Variants in NME8 observed in about 807,000 individuals in gnomAD.
NME8 encodes NME/NM23 family member 8.
A neutral mutation model predicts 82.3 loss-of-function variants in NME8; 72 were observed. The observed-to-expected ratio is 0.87, with a 90% CI of 0.72 to 1.06. NME8 has a LOEUF of 1.06. NME8 is among the 50% of genes least tolerant of loss of function. NME8 has a pLI of 0.00. For missense variants in NME8, 712 were observed against 685.4 expected, an observed-to-expected ratio of 1.04 and a Z score of -0.43; for synonymous variants, 267 against 228.5, an observed-to-expected ratio of 1.17 and a Z score of -1.52.
chr7:37,866,443 G>A (rs746442842), intron 10 of NME8, among the ~76,000 whole-genome samples: 13 of 152,094 alleles, frequency 8.5e-5, no homozygotes, highest in East Asian at 5.8e-4. Context: ...AACTGTATTC[G>A]CATTAACTGT....
intron 17 of NME8, among the ~76,000 whole-genome samples, chr7:37,899,665 A>G (rs550204729): frequency 6.6e-6 from 1 of 152,276 alleles, no homozygotes; most frequent in Admixed American, 6.5e-5. Context: ...TCCTGTACAC[A>G]TACTCCTGAA....
intron 12 of NME8, among the ~76,000 whole-genome samples, chr7:37,882,080 C>A (rs1784954996): frequency 6.6e-6 from 1 of 152,044 alleles, no homozygotes; most frequent in African/African-American, 2.4e-5. Flanking sequence ...TTTATTTTTG[C>A]TCAATTGTTT....
At chr7:37,857,102 G>A (rs574943709) in intron 5 of NME8, among the ~76,000 whole-genome samples, 172 bp from the exon 6 acceptor site, 4 of 152,292 alleles carry the variant, frequency 2.6e-5, no homozygotes, top group South Asian at 4.1e-4. Context: ...GCCAAATGAC[G>A]TAGGGCTTGA....
At chr7:37,868,214 A>T (rs1784719727) in intron 11 of NME8, among the ~76,000 whole-genome samples, 1 of 152,180 alleles carries the variant, frequency 6.6e-6, no homozygotes, top group African/African-American at 2.4e-5. Context: ...CCTCAGTGAG[A>T]GAGGACTGAG....
chr7:37,850,100 C>T (rs888972953), intron 2 of NME8, among the ~76,000 whole-genome samples, 160 bp from the exon 3 acceptor site: 1 of 152,028 alleles, frequency 6.6e-6, no homozygotes, highest in Non-Finnish European at 1.5e-5. Context: ...TTTAAATACA[C>T]AAATATTTAA....
chr7:37,855,801 G>T (rs1784503716), intron 5 of NME8, among the ~76,000 whole-genome samples: 1 of 151,908 alleles, frequency 6.6e-6, no homozygotes. Context: ...GAGTCTATAG[G>T]CATGCCTTTC....
intron 14 of NME8, among the ~76,000 whole-genome samples, chr7:37,887,628 C>A (rs998306496): frequency 1.3e-5 from 2 of 152,148 alleles, no homozygotes; most frequent in Admixed American, 1.3e-4. Flanking sequence ...ACCCTCTGAG[C>A]TTTTTCACTG....
chr7:37,884,445 C>T lies in NME8; in HGVS notation c.1137C>T (p.Thr379=), dbSNP rs374024098. 1 of 1,609,578 alleles carries T rather than the reference C, an allele frequency of 6.2e-7. No individual in the cohort carries two copies. The highest frequency in any genetic ancestry group is 1.1e-5 in the South Asian group (1 of 90,888). The stretch of plus-strand genomic sequence containing the variant: ...TTAATAAACTTATAGAAAACATGAC[C>T]AGGTAGAATCCAGGTTGAGAAAATT... ...DYFNKLIENM[T]SGPSLALVLL... Residue 379 remains threonine, a splice_region_variant and synonymous_variant, in exon 13 of 18, where the codon ACC becomes ACT. Coordinates refer to ENST00000199447, the MANE Select transcript of NME8 (RefSeq NM_016616.5).
chr7:37,895,766 G>A (rs1349798706), intron 16 of NME8, among the ~76,000 whole-genome samples: 3 of 152,102 alleles, frequency 2.0e-5, no homozygotes, highest in African/African-American at 4.8e-5. Context: ...GTAATGCAAT[G>A]CATTACCATT....
At chr7:37,855,172 A>G (rs1484489781) in intron 5 of NME8, among the ~76,000 whole-genome samples, 1 of 152,054 alleles carries the variant, frequency 6.6e-6, no homozygotes, top group African/African-American at 2.4e-5. Context: ...ACCTCATGGG[A>G]TTCTCAGTGA....
chr7:37,890,802 A>G (rs74721191), intron 15 of NME8, among the ~76,000 whole-genome samples: 3,650 of 152,106 alleles, frequency 0.024, 206 homozygotes, highest in Admixed American at 0.12. Context: ...TATGCATCAC[A>G]CTTTCATTAT....
chr7:37,871,411 T>C (rs765466350), intron 11 of NME8, among the ~76,000 whole-genome samples: 7 of 152,202 alleles, frequency 4.6e-5, no homozygotes, highest in Non-Finnish European at 8.8e-5. Context: ...AATCAGCCTG[T>C]TTTAAGAAAT....
At chr7:37,883,209 T>C (rs1331675439) in intron 12 of NME8, among the ~76,000 whole-genome samples, 1 of 152,204 alleles carries the variant, frequency 6.6e-6, no homozygotes, top group Non-Finnish European at 1.5e-5. Context: ...GTTAACATTA[T>C]ATGGCAATTG....
intron 9 of NME8, among the ~76,000 whole-genome samples, chr7:37,865,065 G>T (rs1204716592): frequency 6.6e-6 from 1 of 152,156 alleles, no homozygotes; most frequent in Non-Finnish European, 1.5e-5. Flanking sequence ...CCTACCAAAT[G>T]TCATGTTCTC....
chr7:37,862,099 C>T lies in NME8; in HGVS notation c.342C>T (p.Ile114=), dbSNP rs199734697. ...PLVNKKVINL[I]DEERKIAAGE... Reference sequence around the variant, plus strand: ...TTAATAAAAAAGTTATTAATTTGATCGATGAGGAGAGAAAAATTGCAGCAG... The same window carrying T: ...TTAATAAAAAAGTTATTAATTTGATTGATGAGGAGAGAAAAATTGCAGCAG... The change falls in exon 7 of 18, where the codon ATC becomes ATT. Residue 114 remains isoleucine (I), a synonymous_variant. Transcript: ENST00000199447. The T allele has an allele frequency of 8.7e-6, 14 of 1,613,370 alleles. No homozygotes were observed. Among genetic ancestry groups the T allele is most frequent in the East Asian group, 4.5e-5 (2 of 44,808 alleles).
chr7:37,861,175 C>A (rs1320908353), intron 6 of NME8, among the ~76,000 whole-genome samples: 1 of 152,196 alleles, frequency 6.6e-6, no homozygotes, highest in Non-Finnish European at 1.5e-5. Flanking sequence ...TCTGACTGCA[C>A]TTAGGATGAA....
chr7:37,874,879 A>G (rs932265634), intron 11 of NME8, among the ~76,000 whole-genome samples: 2 of 152,200 alleles, frequency 1.3e-5, no homozygotes, highest in Admixed American at 1.3e-4. Flanking sequence ...ATTAATTATA[A>G]GGGGAAAATT....
At chr7:37,866,496 T>A (rs149288357) in intron 10 of NME8, among the ~76,000 whole-genome samples, 54 of 152,322 alleles carry the variant, frequency 3.5e-4, no homozygotes, top group African/African-American at 1.0e-3. Flanking sequence ...ACCTCAGACT[T>A]ACTAAATCAG....
In NME8 at chr7:37,865,590, C is replaced by A; in HGVS notation, c.594C>A (p.Val198=). The A allele has an allele frequency of 6.2e-7, 1 of 1,612,798 alleles. No homozygotes were observed. The highest frequency in any genetic ancestry group is 1.1e-5 in the South Asian group (1 of 91,030). ...CAGTGCTCACTGAAGAACAAGTTGT[C>A]AACTTCTATAGTCGAATAGCAGACC... ...HKTVLTEEQV[V]NFYSRIADQC... Residue 198 remains valine, a synonymous_variant, in exon 10 of 18, where the codon GTC becomes GTA. Coordinates refer to ENST00000199447, the MANE Select transcript of NME8 (RefSeq NM_016616.5).
Sources: allele counts gnomAD v4.1 joint callset (sites outside exome capture counted in the v4.1 genomes callset), GRCh38; gene constraint gnomAD v4.1.1; transcripts MANE v1.5; gene names NCBI Gene and HGNC (gene_info 2026-07-23, HGNC 2026-07-21).